Variants in RASSF3 observed in about 807,000 individuals in gnomAD.
RASSF3 encodes ras association domain-containing protein 3.
RASSF3 carries 19 observed loss-of-function variants against 19.9 expected under a neutral mutation model. The observed-to-expected ratio is 0.96, with a 90% confidence interval of 0.67 to 1.40. The LOEUF (loss-of-function observed/expected upper bound fraction) is 1.40, where lower values mean the gene tolerates loss of function less well. RASSF3 is among the 40% of genes most tolerant of loss of function. The pLI is 0.00. For synonymous variants in RASSF3, 110 were observed against 104.2 expected (o/e 1.06, Z -0.34); for missense variants, 306 against 289.8 (o/e 1.06, Z -0.41).
At chr12:64,521,731 A>C (rs1868483985) in intron 1 of RASSF3, among the ~76,000 whole-genome samples, 1 of 152,184 alleles carries the variant, frequency 6.6e-6, no homozygotes, top group Non-Finnish European at 1.5e-5. Flanking sequence ...TGTATTCTAC[A>C]CTGAAACATT....
chr12:64,576,716 T>C (rs1262182740), intron 2 of RASSF3, among the ~76,000 whole-genome samples: 1 of 151,934 alleles, frequency 6.6e-6, no homozygotes, highest in Non-Finnish European at 1.5e-5. Flanking sequence ...CAGGGTATGG[T>C]GGCACATGCC....
chr12:64,534,205 G>A (rs1045480988), intron 1 of RASSF3, among the ~76,000 whole-genome samples: 3 of 152,176 alleles, frequency 2.0e-5, no homozygotes, highest in Admixed American at 1.3e-4. Context: ...AGACTGTGGT[G>A]AGCTATCATT....
chr12:64,564,573 G>A (rs1869397975), intron 2 of RASSF3, among the ~76,000 whole-genome samples: 1 of 151,730 alleles, frequency 6.6e-6, no homozygotes, highest in African/African-American at 2.4e-5. Flanking sequence ...GTAGAGATGG[G>A]GTTTCTCCAT....
intron 1 of RASSF3, among the ~76,000 whole-genome samples, chr12:64,673,166 AC>A (rs570718463): frequency 5.3e-4 from 80 of 152,316 alleles, no homozygotes; most frequent in Non-Finnish European, 8.8e-5. Flanking sequence ...GGTTTTTTAA[AC>A]CCAGCCAACC....
At chr12:64,626,342 C>G (rs1027807571) in intron 1 of RASSF3, among the ~76,000 whole-genome samples, 13 of 151,880 alleles carry the variant, frequency 8.6e-5, no homozygotes, top group African/African-American at 3.1e-4. Flanking sequence ...TGAGACCAAC[C>G]TGGGCCAACA....
chr12:64,652,007 A>C (rs979596615), intron 1 of RASSF3, among the ~76,000 whole-genome samples: 1 of 152,220 alleles, frequency 6.6e-6, no homozygotes, highest in African/African-American at 2.4e-5. Flanking sequence ...TGTATTAATT[A>C]CTAGATATTC....
At chr12:64,626,159 G>A (rs1017091549) in intron 1 of RASSF3, among the ~76,000 whole-genome samples, 2 of 152,034 alleles carry the variant, frequency 1.3e-5, no homozygotes, top group African/African-American at 4.8e-5. Context: ...ATATATTTTT[G>A]TATAAATGTT....
intron 1 of RASSF3, among the ~76,000 whole-genome samples, chr12:64,511,548 T>A (rs895122920): frequency 6.6e-6 from 1 of 152,176 alleles, no homozygotes; most frequent in Admixed American, 6.5e-5. Context: ...GCCCTAAGTT[T>A]TAGGCTCCTG....
At chr12:64,621,149 T>G (rs1276726190) in intron 1 of RASSF3, among the ~76,000 whole-genome samples, 1 of 152,194 alleles carries the variant, frequency 6.6e-6, no homozygotes, top group African/African-American at 2.4e-5. Flanking sequence ...TTGGCCAGGC[T>G]GGTCTCAAAC....
At chr12:64,561,918 G>A (rs911514265) in intron 2 of RASSF3, among the ~76,000 whole-genome samples, 3 of 151,602 alleles carry the variant, frequency 2.0e-5, no homozygotes, top group Admixed American at 6.6e-5. Flanking sequence ...TCTTGACCTC[G>A]AGTGATCCAC....
At chr12:64,693,110 A>C (rs1267506154) in intron 4 of RASSF3, among the ~76,000 whole-genome samples, 1 of 150,984 alleles carries the variant, frequency 6.6e-6, no homozygotes, top group Non-Finnish European at 1.5e-5. Flanking sequence ...GAATATTCTA[A>C]CGTAGAAGTT....
At chr12:64,617,650 T>C (rs1870597134) in intron 1 of RASSF3, among the ~76,000 whole-genome samples, 1 of 152,178 alleles carries the variant, frequency 6.6e-6, no homozygotes, top group Admixed American at 6.6e-5. Flanking sequence ...CTCTGCCTCC[T>C]GGGTTCAAGC....
At chr12:64,529,657 T>A (rs11175429), upstream of RASSF3, among the ~76,000 whole-genome samples, 1 of 152,170 alleles carries the variant, frequency 6.6e-6, no homozygotes, top group African/African-American at 2.4e-5. Flanking sequence ...CAGCCATACC[T>A]GAATGTAGTC....
intron 1 of RASSF3, among the ~76,000 whole-genome samples, chr12:64,630,958 G>T (rs1181962292): frequency 6.6e-6 from 1 of 152,202 alleles, no homozygotes; most frequent in Non-Finnish European, 1.5e-5. Context: ...CTGGGCATGT[G>T]TGTTTTGAGA....
chr12:64,623,390 G>A (rs762355987), intron 1 of RASSF3, among the ~76,000 whole-genome samples: 7 of 152,138 alleles, frequency 4.6e-5, no homozygotes, highest in East Asian at 1.9e-4. Context: ...TAACTAGCAC[G>A]TTTATCCGTT....
intron 1 of RASSF3, among the ~76,000 whole-genome samples, chr12:64,682,777 T>C (rs1283795430): frequency 6.6e-6 from 1 of 152,204 alleles, no homozygotes; most frequent in Non-Finnish European, 1.5e-5. Context: ...GCCTGGAGAC[T>C]ATCCAGCTGT....
chr12:64,560,083 T>A (rs1377995076), intron 2 of RASSF3, among the ~76,000 whole-genome samples: 1 of 152,168 alleles, frequency 6.6e-6, no homozygotes, highest in Non-Finnish European at 1.5e-5. Flanking sequence ...TAGTTCTTAC[T>A]ATGAAATGAT....
At chr12:64,607,277 CAAA>C (rs1239058842), upstream of RASSF3, among the ~76,000 whole-genome samples, 3 of 123,954 alleles carry the variant, frequency 2.4e-5, no homozygotes, top group Non-Finnish European at 1.7e-5. Flanking sequence ...GGCCCTGTCT[CAAA>C]AAAAAAAAAA....
chr12:64,530,308 AT>A (rs35437783), upstream of RASSF3, among the ~76,000 whole-genome samples: 75 of 147,780 alleles, frequency 5.1e-4, no homozygotes, highest in Middle Eastern at 3.5e-3. Flanking sequence ...GTGCACAACA[AT>A]TTTTTTTTTT....
Sources: gnomAD v4.1 joint callset for allele counts (sites outside exome capture counted in the v4.1 genomes callset) on GRCh38, gnomAD v4.1.1 for gene constraint, MANE v1.5 for transcripts, NCBI Gene and HGNC (gene_info 2026-07-23, HGNC 2026-07-21) for gene names.